The following NPAT variants were observed in gnomAD, a reference collection of about 807,000 sequenced individuals.
The protein encoded by NPAT is nuclear protein, coactivator of histone transcription.
In NPAT, 52 loss-of-function variants were observed where a neutral mutation model predicts 130.7. The ratio of observed to expected loss-of-function variants is 0.40; its 90% CI spans 0.32 to 0.50. The LOEUF (loss-of-function observed/expected upper bound fraction) is 0.50. NPAT is among the 20% of genes least tolerant of loss of function. The pLI, the probability that NPAT is intolerant of heterozygous loss-of-function variation, is 0.68. For synonymous variants in NPAT, 580 were observed against 584.8 expected (o/e 0.99, Z 0.12); for missense variants, 1,687 against 1,662.6 (o/e 1.01, Z -0.26).
At chr11:108,212,520 G>C (rs1257626813) in intron 1 of NPAT, among the ~76,000 whole-genome samples, 2 of 146,102 alleles carry the variant, frequency 1.4e-5, no homozygotes, top group African/African-American at 5.1e-5. Context: ...GAGAGACTCC[G>C]TCTCAAAAGA....
chr11:108,159,359 A>G (rs1227639803), intron 17 of NPAT, among the ~76,000 whole-genome samples: 1 of 152,214 alleles, frequency 6.6e-6, no homozygotes, highest in Non-Finnish European at 1.5e-5. Flanking sequence ...TTAGGGTTAC[A>G]GGTACTTATC....
intron 10 of NPAT, among the ~76,000 whole-genome samples, chr11:108,178,482 T>C (rs1016756293): frequency 8.5e-5 from 13 of 152,162 alleles, no homozygotes; most frequent in Admixed American, 6.6e-5. Context: ...TCCCATACTA[T>C]TTAAAACCTA....
At chr11:108,179,494 C>T (rs1405769570) in intron 10 of NPAT, among the ~76,000 whole-genome samples, 3 of 152,204 alleles carry the variant, frequency 2.0e-5, no homozygotes, top group Non-Finnish European at 2.9e-5. Context: ...CCCGCTTCAG[C>T]CTCCCAAAGT....
chr11:108,171,917 G>A (rs2031085967), intron 13 of NPAT: 1 of 388,046 alleles, frequency 2.6e-6, no homozygotes, highest in African/African-American at 2.0e-5. Flanking sequence ...TGATGAATTA[G>A]TCTGTCTTTT....
chr11:108,177,124 T>C (rs1211707082), intron 10 of NPAT, 34 bp from the exon 11 acceptor site: 4 of 1,095,388 alleles, frequency 3.7e-6, no homozygotes, highest in African/African-American at 1.6e-5. Context: ...GGCATGATTC[T>C]AACTGAATTT....
intron 15 of NPAT, among the ~76,000 whole-genome samples, chr11:108,169,526 T>C (rs1048680237): frequency 2.6e-5 from 4 of 152,186 alleles, no homozygotes; most frequent in African/African-American, 4.8e-5. Context: ...CAAGGACTAC[T>C]GGGCAAAAGC....
At chr11:108,190,380 T>C in intron 5 of NPAT, 80 bp downstream of exon 5, 5 of 1,023,230 alleles carry the variant, frequency 4.9e-6, no homozygotes, top group Non-Finnish European at 7.7e-6. Context: ...ACTTAGCACA[T>C]GTGTACAATG....
Position 108,161,307 on chromosome 11 carries a change from G to A in NPAT, c.3779C>T (p.Ala1260Val). 6.2e-7 allele frequency: 1 copy of A among 1,614,144 alleles called. No homozygotes were observed. Among genetic ancestry groups the A allele is most frequent in the Non-Finnish European group, 8.5e-7 (1 of 1,180,020 alleles). Residue 1260 changes from alanine (A) to valine (V), a missense_variant, in exon 17 of 18, where the codon GCT becomes GTT. By Grantham distance (64) the Ala-to-Val change is moderately conservative (BLOSUM62 0). This residue lies in a region of NPAT where 1,379 missense variants were observed against 1,346.6 expected (regional missense o/e 1.02). Coordinates refer to ENST00000278612, the MANE Select transcript of NPAT (RefSeq NM_002519.3). ...IQRHSSVSRLADSSDLPVPRT... is the reference protein window; with the variant it reads ...IQRHSSVSRLVDSSDLPVPRT... ...GGGCACAGGTAAATCACTACTATCA[G>A]CAAGCCTACTTACTGAGCTGTGCCT...
intron 13 of NPAT, chr11:108,171,489 T>G (rs1414617993): frequency 6.6e-6 from 1 of 151,002 alleles, no homozygotes; most frequent in African/African-American, 2.4e-5. Context: ...AATTCAAGTT[T>G]TTTTTTTTTT....
chr11:108,216,376 T>C (rs185963667), intron 1 of NPAT, among the ~76,000 whole-genome samples: 5 of 152,208 alleles, frequency 3.3e-5, no homozygotes, highest in South Asian at 2.1e-4. Flanking sequence ...AGGCTGAAAA[T>C]TGGTTCTGGG....
At chr11:108,196,902 C>T (rs2078227176) in intron 2 of NPAT, among the ~76,000 whole-genome samples, 1 of 152,082 alleles carries the variant, frequency 6.6e-6, no homozygotes, top group Non-Finnish European at 1.5e-5. Context: ...AAGGTATCCA[C>T]TATGTACCAA....
Position 108,186,524 on chromosome 11 carries a change from T to C in NPAT, c.684A>G (p.Thr228=). 2 of 1,614,146 alleles carry C rather than the reference T, an allele frequency of 1.2e-6. No individual in the cohort carries two copies. The highest frequency in any genetic ancestry group is 1.7e-6 in the Non-Finnish European group (2 of 1,180,004). ...KSTTLSGPHS[T]IRNFQDPNAF... is the part of the protein sequence containing the mutation. Reference sequence around the variant, plus strand: ...CGTTTGGATCTTGGAAATTCCGTATTGTTGAATGAGGGCCAGACAAAGTGG... The same window carrying C: ...CGTTTGGATCTTGGAAATTCCGTATCGTTGAATGAGGGCCAGACAAAGTGG... The change falls in exon 8 of 18, where the codon ACA becomes ACG. Residue 228 remains threonine (T), a synonymous_variant. Coordinates refer to ENST00000278612, the MANE Select transcript of NPAT (RefSeq NM_002519.3).
chr11:108,206,097 C>T (rs770013442), intron 1 of NPAT, among the ~76,000 whole-genome samples: 1 of 152,154 alleles, frequency 6.6e-6, no homozygotes, highest in East Asian at 1.9e-4. Flanking sequence ...GTTTGTTGTA[C>T]GTAAACTTTC....
At chr11:108,213,226 T>C (rs577902514) in intron 1 of NPAT, among the ~76,000 whole-genome samples, 2 of 152,132 alleles carry the variant, frequency 1.3e-5, no homozygotes, top group East Asian at 3.9e-4. Flanking sequence ...TGAGCCAAGA[T>C]TGCGCCATTG....
chr11:108,216,333 A>G (rs913101081), intron 1 of NPAT, among the ~76,000 whole-genome samples: 45 of 152,214 alleles, frequency 3.0e-4, no homozygotes, highest in African/African-American at 9.9e-4. Flanking sequence ...CCCCTAGACC[A>G]TGCATTCTCA....
intron 10 of NPAT, among the ~76,000 whole-genome samples, chr11:108,182,566 C>A (rs151109944): frequency 6.6e-6 from 1 of 152,258 alleles, no homozygotes; most frequent in Non-Finnish European, 1.5e-5. Flanking sequence ...GGCGCGATCT[C>A]GCCTCACTGC....
chr11:108,171,977 G>C (rs2077955660), intron 13 of NPAT: 5 of 553,222 alleles, frequency 9.0e-6, no homozygotes, highest in Non-Finnish European at 1.6e-5. Context: ...TTTGTGAAAA[G>C]AAAAAAGAAA....
In NPAT at chr11:108,186,486, T is replaced by C. The variant is rs1456450312; in HGVS notation, c.722A>G (p.Glu241Gly). ...AAGTTTGGCAGAGTCACTTACTTTT[T>C]CTACTGCAAAAGCGTTTGGATCTTG... The part of the protein sequence containing the change: ...NFQDPNAFAV[E>G]KQMVIENARE... The change falls in exon 8 of 18, where the codon GAA becomes GGA. Residue 241 changes from glutamate to glycine, a missense_variant. Coordinates refer to ENST00000278612, the MANE Select transcript of NPAT (RefSeq NM_002519.3). 1 of 1,613,548 alleles carries C rather than the reference T, an allele frequency of 6.2e-7. No individual in the cohort carries two copies.
chr11:108,189,091 A>T lies in NPAT; in HGVS notation c.556+15T>A. 1 of 1,599,724 alleles carries T rather than the reference A, an allele frequency of 6.3e-7. No homozygotes were observed. Among genetic ancestry groups the T allele is most frequent in the Non-Finnish European group, 8.6e-7 (1 of 1,167,334 alleles). ...GATTAACAACAAAATTTAAGAGAAC[A>T]AAATGTAAACTTACTGGTTACAGTA... On this transcript the variant is annotated intron_variant, in intron 6 of 17. Transcript: ENST00000278612.
Sources: allele counts gnomAD v4.1 joint callset (sites outside exome capture counted in the v4.1 genomes callset), GRCh38; gene constraint gnomAD v4.1.1; regional missense constraint gnomAD v4.1.1; transcripts MANE v1.5; gene names NCBI Gene and HGNC (gene_info 2026-07-23, HGNC 2026-07-21).